The following NEK6 variants were observed in gnomAD, a reference collection of about 807,000 sequenced individuals.
The protein encoded by NEK6 is serine/threonine-protein kinase Nek6.
A neutral mutation model predicts 43.5 loss-of-function variants in NEK6; 27 were observed. The observed-to-expected ratio is 0.62, with a 90% confidence interval of 0.46 to 0.86. The LOEUF (loss-of-function observed/expected upper bound fraction) is 0.86, where lower values mean the gene tolerates loss of function less well. Among genes scored for constraint, NEK6 ranks in the 40% least tolerant of loss-of-function variants. NEK6 has a pLI of 0.00. For synonymous variants in NEK6, 167 were observed against 164.1 expected (o/e 1.02, Z -0.14); for missense variants, 318 against 414.4 (o/e 0.77, Z 2.02).
At chr9:124,321,393 C>A in intron 4 of NEK6, 66 bp from the exon 5 acceptor site, 1 of 1,018,180 alleles carries the variant, frequency 9.8e-7, no homozygotes, top group Non-Finnish European at 1.5e-6. Flanking sequence ...GTGCCGGTGG[C>A]AGGCAGGCAC....
Position 124,326,392 on chromosome 9 carries a change from G to A in NEK6, c.468G>A (p.Leu156=), listed in dbSNP as rs1250418675. The A allele has an allele frequency of 1.2e-6, 2 of 1,611,222 alleles. No individual in the cohort carries two copies. Among genetic ancestry groups the A allele is most frequent in the Non-Finnish European group, 1.7e-6 (2 of 1,179,990 alleles). Residue 156 remains leucine (L), a synonymous_variant, in exon 6 of 10, where the codon CTG becomes CTA. Transcript: ENST00000320246. The surrounding 1 kb of genome is among the most constrained non-coding windows in gnomAD (Gnocchi z 4.5). The stretch of plus-strand genomic sequence containing the variant: ...CAGTATGGAAGTACTTTGTGCAGCT[G>A]TGCAGCGCCGTGGAGCACATGCATT... The part of the protein sequence containing the change: ...ERTVWKYFVQ[L]CSAVEHMHSR...
chr9:124,347,864 C>A, intron 9 of NEK6, 42 bp downstream of exon 9: 1 of 1,302,300 alleles, frequency 7.7e-7, no homozygotes, highest in Non-Finnish European at 1.1e-6. Flanking sequence ...CCCCAGGAGG[C>A]CACCGAGGCT....
intron 2 of NEK6, among the ~76,000 whole-genome samples, chr9:124,303,731 G>A (rs544848109): frequency 6.6e-6 from 1 of 152,338 alleles, no homozygotes. Flanking sequence ...GAAGCCCCAG[G>A]ACACTGTGGG....
At chr9:124,283,988 G>GA (rs1832039293) in intron 1 of NEK6, among the ~76,000 whole-genome samples, 1 of 152,238 alleles carries the variant, frequency 6.6e-6, no homozygotes, top group African/African-American at 2.4e-5. Flanking sequence ...CATTGAGTGA[G>GA]CAAATAATGG....
intron 1 of NEK6, among the ~76,000 whole-genome samples, chr9:124,291,498 TG>T (rs905113107): frequency 4.2e-4 from 64 of 151,974 alleles, no homozygotes; most frequent in African/African-American, 1.5e-3. Flanking sequence ...TGGTGGTGGG[TG>T]TCTGTAATCC....
chr9:124,346,830 T>C (rs73666869), intron 8 of NEK6, among the ~76,000 whole-genome samples: 2,237 of 152,030 alleles, frequency 0.015, 55 homozygotes, highest in African/African-American at 0.051. Context: ...GGCCTTTCGC[T>C]CCCCCGTGGC....
intron 1 of NEK6, among the ~76,000 whole-genome samples, chr9:124,276,330 T>C (rs530356061): frequency 6.6e-6 from 1 of 152,252 alleles, no homozygotes; most frequent in African/African-American, 2.4e-5. Context: ...GCCCTGGTCT[T>C]AGTCTCCTCA....
intron 1 of NEK6, among the ~76,000 whole-genome samples, chr9:124,268,392 C>G (rs896313226): frequency 3.9e-5 from 6 of 152,178 alleles, no homozygotes; most frequent in African/African-American, 1.4e-4. Flanking sequence ...TGAAACAGAA[C>G]AAATATGACT....
At chr9:124,274,093 G>A (rs1459661637) in intron 1 of NEK6, among the ~76,000 whole-genome samples, 1 of 152,212 alleles carries the variant, frequency 6.6e-6, no homozygotes, top group African/African-American at 2.4e-5. Context: ...TTGGCCGCCA[G>A]GCAGTTTTGC....
intron 1 of NEK6, among the ~76,000 whole-genome samples, chr9:124,299,022 G>A (rs944877507): frequency 7.2e-5 from 11 of 152,364 alleles, no homozygotes; most frequent in African/African-American, 1.4e-4. Context: ...TGCGGTCAGC[G>A]CCACGTGGGG....
chr9:124,271,494 A>G (rs909301229), intron 1 of NEK6, among the ~76,000 whole-genome samples: 1 of 152,270 alleles, frequency 6.6e-6, no homozygotes, highest in African/African-American at 2.4e-5. Context: ...CCGGCCAAGT[A>G]CTTTCCGTGT....
chr9:124,336,598 C>T (rs1057400375), intron 7 of NEK6, among the ~76,000 whole-genome samples: 1 of 152,220 alleles, frequency 6.6e-6, no homozygotes, highest in African/African-American at 2.4e-5. Context: ...TCTCAGCCAG[C>T]CTTTGCCACG....
rs896819716 is a variant in NEK6, at chr9:124,302,067, C to G, written c.90+13C>G. The G allele has an allele frequency of 6.4e-7, 1 of 1,570,498 alleles. No individual in the cohort carries two copies. Among genetic ancestry groups the G allele is most frequent in the African/African-American group, 1.4e-5 (1 of 73,892 alleles). ...TCCTGACCCACAGGTAAGCCCCTTACCTTTGTCTGCAGCACACTGAAGAGT... is the reference window on the plus strand; with the variant it reads ...TCCTGACCCACAGGTAAGCCCCTTAGCTTTGTCTGCAGCACACTGAAGAGT... On this transcript the variant is annotated intron_variant, in intron 2 of 9. Coordinates refer to ENST00000320246, the MANE Select transcript of NEK6 (RefSeq NM_014397.6).
At chr9:124,323,831 G>A (rs890568268) in intron 5 of NEK6, among the ~76,000 whole-genome samples, 1 of 152,184 alleles carries the variant, frequency 6.6e-6, no homozygotes, top group African/African-American at 2.4e-5. Context: ...CCAGGCCTGG[G>A]ATGGGGTGTC....
intron 1 of NEK6, among the ~76,000 whole-genome samples, chr9:124,271,981 G>T (rs1831456285): frequency 6.6e-6 from 1 of 152,260 alleles, no homozygotes; most frequent in Admixed American, 6.5e-5. Context: ...CGTGTCTCCT[G>T]GGCTTGTTAC....
chr9:124,272,059 A>G (rs1831460512), intron 1 of NEK6, among the ~76,000 whole-genome samples: 1 of 152,200 alleles, frequency 6.6e-6, no homozygotes, highest in African/African-American at 2.4e-5. Context: ...TCTCTGGGGC[A>G]GTTTTCCCAA....
intron 7 of NEK6, among the ~76,000 whole-genome samples, chr9:124,334,421 A>G (rs1342667949): frequency 1.3e-5 from 2 of 152,348 alleles, no homozygotes; most frequent in East Asian, 3.9e-4. Context: ...TCCGTACACC[A>G]GTGGAAATGG....
At position 124,275,933 on chromosome 9, in the gene NEK6, A is replaced by G. The variant is rs1186097741; in HGVS notation, c.-30+17848A>G. Among the ~76,000 whole-genome samples, 1 of 152,092 alleles carries G rather than the reference A, an allele frequency of 6.6e-6. No individual in the cohort carries two copies. Among genetic ancestry groups the G allele is most frequent in the African/African-American group, 2.4e-5 (1 of 41,428 alleles). ...AACCAGCTCTGTGACTCACATACCCATTGTGCCTGCTGCGGTGATCCTTTA... is the reference window on the plus strand; with the variant it reads ...AACCAGCTCTGTGACTCACATACCCGTTGTGCCTGCTGCGGTGATCCTTTA... On this transcript the variant is annotated intron_variant, in intron 1 of 9. Coordinates refer to ENST00000320246, the MANE Select transcript of NEK6 (RefSeq NM_014397.6). This position sits in a 1 kb window ranked among gnomAD's most constrained non-coding sequence, Gnocchi z 4.4.
chr9:124,304,248 C>T (rs1017205043), intron 2 of NEK6, among the ~76,000 whole-genome samples: 6 of 152,224 alleles, frequency 3.9e-5, no homozygotes, highest in African/African-American at 1.4e-4. Flanking sequence ...ACATCCCAGC[C>T]GTGTCTCGCC....
Sources: gnomAD v4.1 joint callset for allele counts (sites outside exome capture counted in the v4.1 genomes callset) on GRCh38, gnomAD v4.1.1 for gene constraint, Gnocchi (gnomAD v3.1) non-coding constraint, MANE v1.5 for transcripts, NCBI Gene and HGNC (gene_info 2026-07-23, HGNC 2026-07-21) for gene names.